GPD2: variants seen among roughly 807,000 people sequenced by gnomAD.
GPD2 encodes glycerol-3-phosphate dehydrogenase 2.
GPD2 carries 54 observed loss-of-function variants against 82.4 expected under a neutral mutation model. The ratio of observed to expected loss-of-function variants is 0.66; its 90% CI spans 0.53 to 0.82. The LOEUF (loss-of-function observed/expected upper bound fraction) is 0.82. Among genes scored for constraint, GPD2 ranks in the 40% least tolerant of loss-of-function variants. The pLI is 0.00. For synonymous variants in GPD2, 288 were observed against 306.1 expected (o/e 0.94, Z 0.62); for missense variants, 748 against 896.2 (o/e 0.83, Z 2.11).
upstream of GPD2, among the ~76,000 whole-genome samples, chr2:156,431,262 C>T (rs1688313193): frequency 6.6e-6 from 1 of 152,218 alleles, no homozygotes; most frequent in Non-Finnish European, 1.5e-5. Context: ...TTAAGACTCT[C>T]ACTTCCCTGA....
intron 2 of GPD2, among the ~76,000 whole-genome samples, chr2:156,495,236 C>G (rs1684325531): frequency 6.6e-6 from 1 of 152,116 alleles, no homozygotes; most frequent in Non-Finnish European, 1.5e-5. Flanking sequence ...GTAGTCCCAG[C>G]TACTCTGTAG....
chr2:156,446,556 G>A (rs1417893367), intron 1 of GPD2, among the ~76,000 whole-genome samples: 2 of 151,888 alleles, frequency 1.3e-5, no homozygotes, highest in East Asian at 1.9e-4. Flanking sequence ...TGACTTAGCT[G>A]TCCCCTTCAC....
intron 1 of GPD2, among the ~76,000 whole-genome samples, chr2:156,437,638 A>G (rs1246424696): frequency 1.3e-5 from 2 of 152,190 alleles, no homozygotes; most frequent in Non-Finnish European, 2.9e-5. Context: ...ATGGGTAAAT[A>G]TGGGGTTTTG....
chr2:156,504,754 A>G (rs1173608859), intron 3 of GPD2, among the ~76,000 whole-genome samples: 1 of 152,120 alleles, frequency 6.6e-6, no homozygotes, highest in East Asian at 1.9e-4. Context: ...AAATGAAATT[A>G]TAGAAAAATA....
chr2:156,511,830 A>T (rs1160840691), intron 4 of GPD2, among the ~76,000 whole-genome samples: 3 of 152,224 alleles, frequency 2.0e-5, no homozygotes, highest in Non-Finnish European at 4.4e-5. Context: ...GCTTGGTTTC[A>T]TGAAGGCAAG....
At chr2:156,420,920 C>G in the GPD2 span, among the ~76,000 whole-genome samples, 1 of 152,156 alleles carries the variant, frequency 6.6e-6, no homozygotes, top group Non-Finnish European at 1.5e-5. Context: ...CTCCAAAAAA[C>G]AAATGGATGG....
chr2:156,451,322 G>A (rs1682563266), intron 1 of GPD2, among the ~76,000 whole-genome samples: 1 of 151,216 alleles, frequency 6.6e-6, no homozygotes, highest in Admixed American at 6.6e-5. Context: ...TCCGGACAGG[G>A]CGGCTGGCCG....
the GPD2 span, among the ~76,000 whole-genome samples, chr2:156,428,667 C>T: frequency 2.0e-5 from 3 of 152,208 alleles, no homozygotes; most frequent in African/African-American, 7.2e-5. Flanking sequence ...AAATAATACA[C>T]TTCCCATTAA....
intron 1 of GPD2, among the ~76,000 whole-genome samples, chr2:156,447,130 C>T (rs979464987): frequency 6.6e-6 from 1 of 152,148 alleles, no homozygotes; most frequent in African/African-American, 2.4e-5. Context: ...CAAGAATGCT[C>T]AAGATTCTCC....
chr2:156,527,282 C>T (rs548570369), intron 6 of GPD2, among the ~76,000 whole-genome samples: 23 of 152,036 alleles, frequency 1.5e-4, no homozygotes, highest in African/African-American at 4.8e-4. Flanking sequence ...AAAAAGTCTT[C>T]GGTACATAGT....
the GPD2 span, among the ~76,000 whole-genome samples, chr2:156,425,088 TA>T: frequency 3.2e-5 from 1 of 30,972 alleles, no homozygotes; most frequent in African/African-American, 4.6e-5. Context: ...ATATTCATTT[TA>T]TTTTTTTTTT....
chr2:156,500,736 TAG>T (rs1209114647), intron 3 of GPD2, among the ~76,000 whole-genome samples: 1 of 152,208 alleles, frequency 6.6e-6, no homozygotes, highest in Non-Finnish European at 1.5e-5. Context: ...ACAAAGACTA[TAG>T]AGGACAGACA....
At position 156,510,884 on chromosome 2, in the gene GPD2, T is replaced by C. The variant is rs1347634090; in HGVS notation, c.363T>C (p.Tyr121=). Residue 121 remains tyrosine, a synonymous_variant, in exon 4 of 17, where the codon TAT becomes TAC. Coordinates refer to ENST00000438166, the MANE Select transcript of GPD2 (RefSeq NM_000408.5). ...AATTGATCCATGGTGGTGTGAGATA[T>C]CTGCAGAAGGCCATCATGAAGTTGG... ...STKLIHGGVR[Y]LQKAIMKLDI... The C allele has an allele frequency of 6.2e-7, 1 of 1,613,432 alleles. No homozygotes were observed. The highest frequency in any genetic ancestry group is 2.2e-5 in the East Asian group (1 of 44,868).
chr2:156,498,862 T>C (rs576122087), intron 3 of GPD2, among the ~76,000 whole-genome samples: 5 of 152,296 alleles, frequency 3.3e-5, no homozygotes, highest in Middle Eastern at 3.4e-3. Flanking sequence ...TGAATATTTC[T>C]GTAGACTCAG....
At chr2:156,461,606 C>G (rs1682991063) in intron 1 of GPD2, among the ~76,000 whole-genome samples, 1 of 152,168 alleles carries the variant, frequency 6.6e-6, no homozygotes, top group Admixed American at 6.5e-5. Flanking sequence ...TCTCAAACTC[C>G]TGACCTCAAG....
intron 6 of GPD2, among the ~76,000 whole-genome samples, chr2:156,529,282 G>A (rs1346353915): frequency 1.3e-4 from 20 of 150,436 alleles, no homozygotes; most frequent in Non-Finnish European, 2.1e-4. Context: ...TTTTGATGGG[G>A]TTGTTTGTTT....
chr2:156,530,302 T>TTTGCTGCAG (rs747219129), intron 6 of GPD2, among the ~76,000 whole-genome samples: 1 of 42,446 alleles, frequency 2.4e-5, no homozygotes, highest in South Asian at 7.6e-4. Context: ...ATCCTGAGAC[T>TTTGCTGCAG]TTGCTTATCA....
At chr2:156,440,654 A>G (rs1265670236) in intron 1 of GPD2, among the ~76,000 whole-genome samples, 1 of 152,168 alleles carries the variant, frequency 6.6e-6, no homozygotes, top group Non-Finnish European at 1.5e-5. Flanking sequence ...TTCAAAACCA[A>G]ATTTCTGATT....
At chr2:156,415,564 T>C in the GPD2 span, among the ~76,000 whole-genome samples, 1 of 151,968 alleles carries the variant, frequency 6.6e-6, no homozygotes, top group Non-Finnish European at 1.5e-5. Flanking sequence ...CTTTGAATAA[T>C]AGCCTCCAGG....
Sources: allele counts gnomAD v4.1 joint callset (sites outside exome capture counted in the v4.1 genomes callset), GRCh38; gene constraint gnomAD v4.1.1; transcripts MANE v1.5; gene names NCBI Gene and HGNC (gene_info 2026-07-23, HGNC 2026-07-21).